Variants in WDR27 observed in about 807,000 individuals in gnomAD.
The protein encoded by WDR27 is WD repeat domain 27.
A neutral mutation model predicts 114.4 loss-of-function variants in WDR27; 100 were observed. The ratio of observed to expected loss-of-function variants is 0.87; its 90% CI spans 0.74 to 1.03. The LOEUF (loss-of-function observed/expected upper bound fraction) is 1.03, where lower values mean the gene tolerates loss of function less well. Ranked by LOEUF, WDR27 falls within the 50% of genes least tolerant of loss-of-function variation. The probability of loss-of-function intolerance (pLI) is 0.00; values close to 1 mark genes in which losing one functional copy is unlikely to be tolerated. For synonymous variants in WDR27, 449 were observed against 423.1 expected, an observed-to-expected ratio of 1.06 and a Z score of -0.75; for missense variants, 1,129 against 1,092.9, an observed-to-expected ratio of 1.03 and a Z score of -0.47.
At chr6:169,576,335 G>A (rs1429882658) in intron 24 of WDR27, among the ~76,000 whole-genome samples, 14 of 152,378 alleles carry the variant, frequency 9.2e-5, no homozygotes, top group Middle Eastern at 3.4e-3. Flanking sequence ...TTCACCAGTC[G>A]GCCATGCTCC....
chr6:169,575,915 C>T (rs1203192763), intron 24 of WDR27, among the ~76,000 whole-genome samples: 6 of 152,268 alleles, frequency 3.9e-5, no homozygotes, highest in South Asian at 2.1e-4. Flanking sequence ...GAAGGGATAA[C>T]GTGTATCTTA....
intron 2 of WDR27, among the ~76,000 whole-genome samples, chr6:169,688,277 G>A (rs751740881): frequency 9.2e-5 from 14 of 152,098 alleles, no homozygotes; most frequent in Admixed American, 2.0e-4. Context: ...AAAAAAGTAC[G>A]TAATGTATAA....
At chr6:169,552,973 G>GGTGTGTGTGTGTGTGTGTGTGTGTGTGT (rs3975497) in intron 25 of WDR27, among the ~76,000 whole-genome samples, 1 of 61,790 alleles carries the variant, frequency 1.6e-5, no homozygotes, top group African/African-American at 6.5e-5. Flanking sequence ...GGGCCTGCCC[G>GGTGTGTGTGTGTGTGTGTGTGTGTGTGT]GTGTGTGTGT....
chr6:169,561,924 C>T (rs1387826451), intron 25 of WDR27, among the ~76,000 whole-genome samples: 6 of 152,246 alleles, frequency 3.9e-5, no homozygotes, highest in South Asian at 2.1e-4. Flanking sequence ...ATATTAATAT[C>T]GGACAAAGTA....
chr6:169,657,404 C>T (rs999757493), intron 13 of WDR27, among the ~76,000 whole-genome samples: 3 of 152,302 alleles, frequency 2.0e-5, no homozygotes, highest in East Asian at 1.9e-4. Context: ...GAACCCTAGC[C>T]CAGCCTAGCC....
chr6:169,596,396 T>A (rs1035935890), intron 23 of WDR27, among the ~76,000 whole-genome samples: 1 of 152,076 alleles, frequency 6.6e-6, no homozygotes, highest in African/African-American at 2.4e-5. Flanking sequence ...TTGTATTTGG[T>A]CTTTATTTCT....
chr6:169,567,914 C>A (rs1800763261), intron 25 of WDR27, among the ~76,000 whole-genome samples: 2 of 152,292 alleles, frequency 1.3e-5, no homozygotes, highest in Middle Eastern at 3.4e-3. Flanking sequence ...GCCCTTGTAC[C>A]CCAGCCACTC....
chr6:169,532,887 C>T (rs1245886490), intron 25 of WDR27, among the ~76,000 whole-genome samples: 8 of 151,676 alleles, frequency 5.3e-5, no homozygotes, highest in Non-Finnish European at 8.8e-5. Context: ...ATCCCTGGGC[C>T]TGTATCACTG....
At chr6:169,515,466 A>G (rs903640656) in intron 25 of WDR27, among the ~76,000 whole-genome samples, 1 of 152,248 alleles carries the variant, frequency 6.6e-6, no homozygotes, top group Non-Finnish European at 1.5e-5. Context: ...AAGCTCAATT[A>G]TAAGTTATTG....
At chr6:169,459,110 T>G (rs1202627353) in intron 25 of WDR27, among the ~76,000 whole-genome samples, 2 of 151,936 alleles carry the variant, frequency 1.3e-5, no homozygotes, top group African/African-American at 4.8e-5. Context: ...ATAAACAAAT[T>G]AATAGAAATT....
chr6:169,651,185 G>C (rs191615583), intron 14 of WDR27, among the ~76,000 whole-genome samples: 4,418 of 107,690 alleles, frequency 0.041, 472 homozygotes, highest in Non-Finnish European at 0.059. Flanking sequence ...GTGCGGGGCG[G>C]GGGGGGGGAG....
chr6:169,440,794 T>C, the WDR27 span, among the ~76,000 whole-genome samples: 2 of 152,202 alleles, frequency 1.3e-5, no homozygotes, highest in Non-Finnish European at 2.9e-5. Context: ...ATTGTACTAA[T>C]GGTCCTTTCT....
intron 25 of WDR27, among the ~76,000 whole-genome samples, chr6:169,469,328 A>G (rs868160359): frequency 1.4e-4 from 21 of 152,254 alleles, no homozygotes; most frequent in African/African-American, 4.8e-4. Context: ...TAACATAGAC[A>G]TTCCCATCCC....
chr6:169,670,921 G>A (rs778645846), intron 3 of WDR27: 7 of 500,832 alleles, frequency 1.4e-5, no homozygotes, highest in Admixed American at 3.5e-5. Context: ...TCTCAGCATC[G>A]AAACACGAAG....
intron 16 of WDR27, among the ~76,000 whole-genome samples, chr6:169,646,596 A>C (rs1306116627): frequency 6.6e-6 from 1 of 152,054 alleles, no homozygotes; most frequent in Non-Finnish European, 1.5e-5. Flanking sequence ...AAAAATACAA[A>C]AATTAGCCAG....
Position 169,504,108 on chromosome 6 carries a change from G to A in WDR27, c.2646-46474C>T, listed in dbSNP as rs530969267. Among the ~76,000 whole-genome samples the A allele has an allele frequency of 1.5e-4, 23 of 152,268 alleles. 1 individual carries two copies. In the South Asian group the frequency reaches 4.6e-3, roughly 30 times the overall value. On this transcript the variant is annotated intron_variant, in intron 25 of 25. Coordinates refer to ENST00000448612, the MANE Select transcript of WDR27 (RefSeq NM_182552.5). ...ATAGATGAACAGTGTGTAGTTATGT[G>A]ATAAAACAAATGTGGTAAAATATTA... is the stretch of plus-strand genomic sequence containing the variant.
rs114030976 is a variant in WDR27 at position 169,662,472 on chromosome 6, C to T, written c.905-48G>A. On this transcript the variant is annotated intron_variant, in intron 8 of 25. Transcript: ENST00000448612. ...TCTAAGAAGTGAACTTAAATGCATC[C>T]GTCAAGTTTAAAGGCTGAGGACTGC... 12,393 of 1,599,848 alleles carry T rather than the reference C, an allele frequency of 7.7e-3. 145 individuals are homozygous for T. The highest frequency in any genetic ancestry group is 0.057 in the African/African-American group (4,232 of 74,880).
At chr6:169,437,947 T>C in the WDR27 span, among the ~76,000 whole-genome samples, 3 of 152,068 alleles carry the variant, frequency 2.0e-5, no homozygotes, top group African/African-American at 7.2e-5. Flanking sequence ...TATGTTCAGG[T>C]TTGTTATATG....
At chr6:169,567,762 T>C (rs953592274) in intron 25 of WDR27, among the ~76,000 whole-genome samples, 19 of 152,154 alleles carry the variant, frequency 1.2e-4, no homozygotes, top group African/African-American at 4.3e-4. Flanking sequence ...AACCCAGGGC[T>C]GCGAGTCCTG....
Sources: allele counts gnomAD v4.1 joint callset (sites outside exome capture counted in the v4.1 genomes callset), GRCh38; gene constraint gnomAD v4.1.1; transcripts MANE v1.5; gene names NCBI Gene and HGNC (gene_info 2026-07-23, HGNC 2026-07-21).